SCML4: variants seen among roughly 807,000 people sequenced by gnomAD.
SCML4 encodes the protein sex comb on midleg-like protein 4.
In SCML4, 34 loss-of-function variants were observed where a neutral mutation model predicts 41.1. The observed-to-expected ratio is 0.83, with a 90% confidence interval of 0.63 to 1.10. The LOEUF (loss-of-function observed/expected upper bound fraction) is 1.10, where lower values mean the gene tolerates loss of function less well. Among genes scored for constraint, SCML4 ranks in the 50% least tolerant of loss-of-function variants. The probability of loss-of-function intolerance (pLI) is 0.00; values close to 1 mark genes in which losing one functional copy is unlikely to be tolerated. For synonymous variants in SCML4, 214 were observed against 220.9 expected, an observed-to-expected ratio of 0.97 and a Z score of 0.28; for missense variants, 522 against 534.1, an observed-to-expected ratio of 0.98 and a Z score of 0.22.
chr6:107,826,344 G>A (rs921484699), upstream of SCML4, among the ~76,000 whole-genome samples: 1 of 152,114 alleles, frequency 6.6e-6, no homozygotes, highest in South Asian at 2.1e-4. Context: ...AAAGAAGATG[G>A]ATGATTTAAG....
chr6:107,766,982 C>T (rs769974554), intron 2 of SCML4, among the ~76,000 whole-genome samples: 136 of 148,564 alleles, frequency 9.2e-4, no homozygotes, highest in Non-Finnish European at 1.8e-3. Context: ...GACAGAATCT[C>T]GCCCTGTCAC....
intron 5 of SCML4, among the ~76,000 whole-genome samples, chr6:107,727,668 C>G (rs1317201944): frequency 6.6e-6 from 1 of 152,234 alleles, no homozygotes; most frequent in Non-Finnish European, 1.5e-5. Context: ...TGCATCTCTT[C>G]CCTCTGGGTC....
intron 1 of SCML4, among the ~76,000 whole-genome samples, chr6:107,796,136 C>T (rs550446895): frequency 7.1e-4 from 108 of 152,014 alleles, no homozygotes; most frequent in Non-Finnish European, 1.4e-3. Context: ...CTGCCAGAAA[C>T]ATTTCTCTAC....
upstream of SCML4, among the ~76,000 whole-genome samples, chr6:107,826,514 T>A (rs1785265668): frequency 6.6e-6 from 1 of 152,142 alleles, no homozygotes. Flanking sequence ...AAATAACATT[T>A]CTTAAGTAAT....
intron 1 of SCML4, among the ~76,000 whole-genome samples, chr6:107,806,082 G>A (rs1198167100): frequency 4.6e-5 from 7 of 152,206 alleles, no homozygotes; most frequent in Admixed American, 2.0e-4. Flanking sequence ...ATGCCACAGA[G>A]GCACCTGTGC....
rs781661002 is a variant in SCML4 at position 107,746,813 on chromosome 6, A to C, written c.363T>G (p.His121Gln). The change falls in exon 4 of 8, where the codon CAT becomes CAG. Residue 121 changes from histidine (H) to glutamine (Q), a missense_variant. Coordinates refer to ENST00000369020, the MANE Select transcript of SCML4 (RefSeq NM_198081.5). ...ERKKVQQLPE[H>Q]FGPERPSAVL... ...CCGCCGATGGCCGCTCGGGCCCAAAATGCTCCGGGAGCTGCTGCACCTTCT... is the reference window on the plus strand; with the variant it reads ...CCGCCGATGGCCGCTCGGGCCCAAACTGCTCCGGGAGCTGCTGCACCTTCT... The C allele has an allele frequency of 6.2e-6, 10 of 1,614,050 alleles. No individual in the cohort carries two copies. In the African/African-American group the frequency reaches 1.3e-4, roughly 22 times the overall value.
At chr6:107,754,982 T>C (rs1778984448) in intron 2 of SCML4, among the ~76,000 whole-genome samples, 1 of 152,100 alleles carries the variant, frequency 6.6e-6, no homozygotes, top group Admixed American at 6.5e-5. Flanking sequence ...CATATGCCTG[T>C]TGTTCCAGCT....
intron 6 of SCML4, among the ~76,000 whole-genome samples, chr6:107,709,870 C>A (rs1774068607): frequency 6.6e-6 from 1 of 152,110 alleles, no homozygotes; most frequent in Non-Finnish European, 1.5e-5. Context: ...ACCATCACGC[C>A]CAGCTAATTC....
chr6:107,802,960 G>T (rs1373690845), intron 1 of SCML4, among the ~76,000 whole-genome samples: 1 of 151,734 alleles, frequency 6.6e-6, no homozygotes, highest in Non-Finnish European at 1.5e-5. Context: ...TGGCCGGGCT[G>T]GTCTCCAGCT....
At chr6:107,802,278 G>A (rs1456951574) in intron 1 of SCML4, among the ~76,000 whole-genome samples, 7 of 152,180 alleles carry the variant, frequency 4.6e-5, no homozygotes, top group Non-Finnish European at 7.3e-5. Flanking sequence ...AAGGGGGATA[G>A]AGCATGATGG....
chr6:107,754,037 T>C (rs954461376), intron 2 of SCML4, among the ~76,000 whole-genome samples: 6 of 151,546 alleles, frequency 4.0e-5, no homozygotes, highest in Non-Finnish European at 5.9e-5. Flanking sequence ...ACTGGGAGAG[T>C]AGGAGGCCTG....
In SCML4 at chr6:107,720,773, C is replaced by T. The variant is rs141005939; in HGVS notation, c.903G>A (p.Ser301=). ...AGGCTGGAGGCCTCAGCCCAGGTGCCGAGGGGCCACCAGAAGACATGGGGC... is the reference window on the plus strand; with the variant it reads ...AGGCTGGAGGCCTCAGCCCAGGTGCTGAGGGGCCACCAGAAGACATGGGGC... ...RTSPMSSGGP[S]APGLRPPASS... The change falls in exon 6 of 8, where the codon TCG becomes TCA. Residue 301 remains serine, a synonymous_variant. Transcript: ENST00000369020. 2.1e-4 allele frequency: 341 copies of T among 1,612,378 alleles called. No homozygotes were observed. Among genetic ancestry groups the T allele is most frequent in the Non-Finnish European group, 2.7e-4 (316 of 1,179,158 alleles).
chr6:107,822,726 C>A (rs1785041064), intron 1 of SCML4, among the ~76,000 whole-genome samples: 1 of 152,012 alleles, frequency 6.6e-6, no homozygotes, highest in Non-Finnish European at 1.5e-5. Context: ...TTTAAAAATT[C>A]TGTCAAAAAG....
At chr6:107,727,292 G>A (rs1003583327) in intron 5 of SCML4, among the ~76,000 whole-genome samples, 77 of 152,284 alleles carry the variant, frequency 5.1e-4, no homozygotes, top group African/African-American at 1.8e-3. Flanking sequence ...GTATGTGGGA[G>A]GTTTCTTTGA....
At chr6:107,729,988 C>G (rs1292730586) in intron 5 of SCML4, among the ~76,000 whole-genome samples, 4 of 152,172 alleles carry the variant, frequency 2.6e-5, no homozygotes, top group Non-Finnish European at 5.9e-5. Flanking sequence ...ATTCTTCTTG[C>G]TTCAGTTAAA....
rs114653988 is a variant in SCML4 at position 107,724,666 on chromosome 6, G to A, written c.683-3673C>T. On this transcript the variant is annotated intron_variant, in intron 5 of 7. Transcript: ENST00000369020. ...TGGAAAAAAAAATCTCATGTTCATA[G>A]ATCAGAAGGCTTATTTTTAGGGTGG... Among the ~76,000 whole-genome samples the A allele has an allele frequency of 7.5e-3, 1,146 of 152,268 alleles. 15 individuals are homozygous for A. Among genetic ancestry groups the A allele is most frequent in the African/African-American group, 0.026 (1,065 of 41,552 alleles).
intron 6 of SCML4, among the ~76,000 whole-genome samples, chr6:107,711,575 A>T (rs1273296828): frequency 3.3e-5 from 5 of 152,220 alleles, no homozygotes; most frequent in Non-Finnish European, 4.4e-5. Flanking sequence ...CATTTCCCAG[A>T]ATGTATCCCA....
chr6:107,831,306 CT>C, the SCML4 span, among the ~76,000 whole-genome samples: 1 of 151,108 alleles, frequency 6.6e-6, no homozygotes, highest in Non-Finnish European at 1.5e-5. Context: ...GAGGGAAGAT[CT>C]CCAAGATGGG....
intron 5 of SCML4, among the ~76,000 whole-genome samples, chr6:107,730,779 A>G (rs1776459326): frequency 6.6e-6 from 1 of 152,200 alleles, no homozygotes. Context: ...GCCACTGTGT[A>G]TAAAGCCTGC....
Sources: allele counts gnomAD v4.1 joint callset (sites outside exome capture counted in the v4.1 genomes callset), GRCh38; gene constraint gnomAD v4.1.1; transcripts MANE v1.5; gene names NCBI Gene and HGNC (gene_info 2026-07-23, HGNC 2026-07-21).